Variants in RAB3GAP2 observed in about 807,000 individuals in gnomAD.
The protein encoded by RAB3GAP2 is RAB3 GTPase activating non-catalytic protein subunit 2.
In RAB3GAP2, 87 loss-of-function variants were observed where a neutral mutation model predicts 185.3. That is an observed-to-expected ratio of 0.47 (90% CI 0.39 to 0.56). RAB3GAP2 has a LOEUF of 0.56. Among genes scored for constraint, RAB3GAP2 ranks in the 20% least tolerant of loss-of-function variants. The pLI is 0.00. For missense variants in RAB3GAP2, 1,492 were observed against 1,638.2 expected (o/e 0.91, Z 1.54); for synonymous variants, 554 against 576.1 (o/e 0.96, Z 0.55).
intron 26 of RAB3GAP2, among the ~76,000 whole-genome samples, chr1:220,166,425 G>A (rs557860123): frequency 1.3e-5 from 2 of 152,212 alleles, no homozygotes; most frequent in Non-Finnish European, 2.9e-5. Flanking sequence ...CTAAGTGAAG[G>A]ACTGATTGGC....
intron 29 of RAB3GAP2, 68 bp from the exon 30 acceptor site, chr1:220,157,944 A>T: frequency 8.1e-7 from 1 of 1,229,388 alleles, no homozygotes; most frequent in South Asian, 1.3e-5. Flanking sequence ...CAGCCAAACA[A>T]GAACCAGGAT....
intron 1 of RAB3GAP2, chr1:220,254,540 G>A: frequency 6.2e-7 from 1 of 1,611,164 alleles, no homozygotes; most frequent in East Asian, 2.2e-5. Context: ...AAAGCTGTGT[G>A]AGAGGCACTC....
chr1:220,157,300 G>A lies in RAB3GAP2; in HGVS notation c.3525C>T (p.Thr1175=), dbSNP rs145701892. The change falls in exon 31 of 35, where the codon ACC becomes ACT. Residue 1175 remains threonine (T), a synonymous_variant. Transcript: ENST00000358951. ...TGTCAAAAAGTGAAAGTGGCTTCAC[G>A]GTCTTCAGAGAAAACCTCATGACTG... is the stretch of plus-strand genomic sequence containing the variant. ...LYAVMRFSLK[T]VKPLSLFDSK... 1.0e-4 allele frequency: 168 copies of A among 1,613,824 alleles called. No individual in the cohort carries two copies. In the African/African-American group the frequency reaches 1.6e-3, roughly 16 times the overall value.
At position 220,184,267 on chromosome 1, in the gene RAB3GAP2, T is replaced by C; in HGVS notation, c.1871-104A>G. 3.6e-6 allele frequency: 4 copies of C among 1,108,036 alleles called. No homozygotes were observed. In the South Asian group the frequency reaches 5.6e-5, roughly 15 times the overall value. The allele number at this position is 1,108,036 out of a possible 1,614,324, so 68.6% of individuals were successfully genotyped here. Reference sequence around the variant, plus strand: ...TCAATATTATGTAATTCCCTGATGCTCTGATGTATTAAATACTGAGATGCT... The same window carrying C: ...TCAATATTATGTAATTCCCTGATGCCCTGATGTATTAAATACTGAGATGCT... On this transcript the variant is annotated intron_variant, in intron 18 of 34. Transcript: ENST00000358951.
rs1657692331 is a variant in RAB3GAP2, at chr1:220,149,186, ATATT to A, written c.*2061_*2064del. On this transcript the variant is annotated 3_prime_UTR_variant, in exon 35 of 35. Coordinates refer to ENST00000358951, the MANE Select transcript of RAB3GAP2 (RefSeq NM_012414.4). ...TTAAAAGCCCTTGATAAGTAGTAAA[ATATT>A]TAACTGCTTTTCTTAACCATACAAG... The A allele has an allele frequency of 6.6e-6, 1 of 152,198 alleles. No individual in the cohort carries two copies. The highest frequency in any genetic ancestry group is 1.5e-5 in the Non-Finnish European group (1 of 68,030). The allele number at this position is 152,198 out of a possible 1,614,324, so 9.4% of individuals were successfully genotyped here.
chr1:220,207,603 C>G (rs1487716979), intron 7 of RAB3GAP2: 1 of 152,246 alleles, frequency 6.6e-6, no homozygotes, highest in African/African-American at 2.4e-5. Context: ...GACAAGTTCA[C>G]AAGACTAAGC....
At chr1:220,171,785 C>T in intron 23 of RAB3GAP2, 104 bp downstream of exon 23, 1 of 1,299,302 alleles carries the variant, frequency 7.7e-7, no homozygotes. Context: ...ACCTCTCATC[C>T]CTCTCCCCGC....
chr1:220,149,649 G>A lies in RAB3GAP2; in HGVS notation c.*1602C>T, dbSNP rs932405768. The A allele has an allele frequency of 1.3e-5, 2 of 152,188 alleles. No individual in the cohort carries two copies. Among genetic ancestry groups the A allele is most frequent in the African/African-American group, 4.8e-5 (2 of 41,420 alleles). The allele number at this position is 152,188 out of a possible 1,614,324, so 9.4% of individuals were successfully genotyped here. A position where few individuals can be genotyped will look rare whatever the true frequency, so the allele number is the denominator to read the frequency against. On this transcript the variant is annotated 3_prime_UTR_variant, in exon 35 of 35. Transcript: ENST00000358951. ...GCAGCGGAGACCCAAGCAGAGGCTG[G>A]GAGGTTGGACTAGCCCTTTCCAGTG...
In RAB3GAP2 at chr1:220,158,314, C is replaced by T. The variant is rs1226147680; in HGVS notation, c.3262-438G>A. On this transcript the variant is annotated intron_variant, in intron 29 of 34. Coordinates refer to ENST00000358951, the MANE Select transcript of RAB3GAP2 (RefSeq NM_012414.4). The surrounding 1 kb of genome is among the most constrained non-coding windows in gnomAD (Gnocchi z 4.3). ...CAGAGCGTCTTTTAGAGACTGAACCCGACCCTCTGAGCAAAACTAGAATCC... is the reference window on the plus strand; with the variant it reads ...CAGAGCGTCTTTTAGAGACTGAACCTGACCCTCTGAGCAAAACTAGAATCC... 1.3e-5 allele frequency among the ~76,000 whole-genome samples: 2 copies of T among 152,044 alleles called. No individual in the cohort carries two copies. Among genetic ancestry groups the T allele is most frequent in the Admixed American group, 6.6e-5 (1 of 15,258 alleles).
At position 220,249,372 on chromosome 1, in the gene RAB3GAP2, T is replaced by C. The variant is rs555610700; in HGVS notation, c.116-16509A>G. On this transcript the variant is annotated intron_variant, in intron 1 of 34. Coordinates refer to ENST00000358951, the MANE Select transcript of RAB3GAP2 (RefSeq NM_012414.4). The stretch of plus-strand genomic sequence containing the variant: ...GGAACTGGAGAAAAGGTCACTCTTG[T>C]TATACTTTAGCAAAAAGACTGGCAG... Among the ~76,000 whole-genome samples, 12 of 152,238 alleles carry C rather than the reference T, an allele frequency of 7.9e-5. No homozygotes were observed. The East Asian group carries it at 2.3e-3, about 29-fold the overall frequency.
At chr1:220,188,941 G>C (rs964185212) in intron 17 of RAB3GAP2, among the ~76,000 whole-genome samples, 2 of 152,028 alleles carry the variant, frequency 1.3e-5, no homozygotes, top group African/African-American at 4.8e-5. Flanking sequence ...AGAAGACATA[G>C]GGCATGACTG....
At chr1:220,240,896 A>C (rs978423394) in intron 1 of RAB3GAP2, among the ~76,000 whole-genome samples, 1 of 152,130 alleles carries the variant, frequency 6.6e-6, no homozygotes, top group African/African-American at 2.4e-5. Context: ...AAAACCAATG[A>C]CTTCAAAATG....
At chr1:220,267,180 G>C (rs1465784447) in intron 1 of RAB3GAP2, 12 of 1,021,994 alleles carry the variant, frequency 1.2e-5, no homozygotes, top group Non-Finnish European at 1.9e-5. Flanking sequence ...TTGAATGACA[G>C]TAAGACAGGG....
At chr1:220,228,055 T>C (rs1659435060) in intron 2 of RAB3GAP2, among the ~76,000 whole-genome samples, 1 of 152,150 alleles carries the variant, frequency 6.6e-6, no homozygotes, top group African/African-American at 2.4e-5. Flanking sequence ...GCCTGGCCTC[T>C]ATAATTGTTT....
chr1:220,242,560 G>C (rs1410186844), intron 1 of RAB3GAP2, among the ~76,000 whole-genome samples: 1 of 151,996 alleles, frequency 6.6e-6, no homozygotes, highest in African/African-American at 2.4e-5. Flanking sequence ...TTCTTTCACA[G>C]CTCCGTATTA....
rs1311776784 is a variant in RAB3GAP2 at position 220,210,905 on chromosome 1, C to T, written c.435-29G>A. 4.3e-6 allele frequency: 7 copies of T among 1,613,680 alleles called. No homozygotes were observed. In the South Asian group the frequency reaches 5.5e-5, roughly 13 times the overall value. On this transcript the variant is annotated intron_variant, in intron 5 of 34. Coordinates refer to ENST00000358951, the MANE Select transcript of RAB3GAP2 (RefSeq NM_012414.4). ...TTACAAACAAAATTTATTATCTTAA[C>T]AACTCATAAATCAAAGCAAAGAAAA...
In RAB3GAP2 at chr1:220,151,595, A is replaced by C. The variant is rs745973907; in HGVS notation, c.4026+11T>G. On this transcript the variant is annotated intron_variant, in intron 34 of 34. Transcript: ENST00000358951. ...ATGACCTTTTGCCTGATCTCGTTCT[A>C]TTGTACTGACCATTGCTTTCAGCCA... The C allele has an allele frequency of 2.5e-6, 4 of 1,605,600 alleles. No individual in the cohort carries two copies. The Admixed American group carries it at 6.7e-5, about 27-fold the overall frequency.
At chr1:220,201,115 T>C (rs1658847255) in intron 9 of RAB3GAP2, among the ~76,000 whole-genome samples, 1 of 152,188 alleles carries the variant, frequency 6.6e-6, no homozygotes, top group Non-Finnish European at 1.5e-5. Flanking sequence ...GAGAAGCATG[T>C]CTTTACATCT....
chr1:220,224,896 T>C (rs1571915395), intron 2 of RAB3GAP2, among the ~76,000 whole-genome samples: 1 of 152,178 alleles, frequency 6.6e-6, no homozygotes, highest in South Asian at 2.1e-4. Context: ...GAAGTAAAGG[T>C]ATGGATGGGG....
Sources: allele counts gnomAD v4.1 joint callset (sites outside exome capture counted in the v4.1 genomes callset), GRCh38; gene constraint gnomAD v4.1.1; non-coding constraint Gnocchi (gnomAD v3.1); transcripts MANE v1.5; gene names NCBI Gene and HGNC (gene_info 2026-07-23, HGNC 2026-07-21).